CTNNA2: variants seen among roughly 807,000 people sequenced by gnomAD.
The protein encoded by CTNNA2 is catenin alpha 2, also known as catenin alpha-2.
In CTNNA2, 42 loss-of-function variants were observed where a neutral mutation model predicts 101.0. The observed-to-expected ratio is 0.42, with a 90% CI of 0.32 to 0.54. The LOEUF (loss-of-function observed/expected upper bound fraction) is 0.54, where lower values mean the gene tolerates loss of function less well. CTNNA2 is among the 20% of genes least tolerant of loss of function. The pLI, the probability that CTNNA2 is intolerant of heterozygous loss-of-function variation, is 0.14. For synonymous variants in CTNNA2, 450 were observed against 456.4 expected, an observed-to-expected ratio of 0.99 and a Z score of 0.18; for missense variants, 871 against 1,223.1, an observed-to-expected ratio of 0.71 and a Z score of 4.29.
intron 1 of CTNNA2, among the ~76,000 whole-genome samples, chr2:79,641,207 G>A (rs1407674291): frequency 6.6e-6 from 1 of 152,146 alleles, no homozygotes; most frequent in Non-Finnish European, 1.5e-5. Flanking sequence ...TTCTAGAAAA[G>A]CAATGTTTAG....
intron 7 of CTNNA2, chr2:80,163,212 A>G (rs1471512450): frequency 1.1e-5 from 12 of 1,049,170 alleles, no homozygotes; most frequent in Non-Finnish European, 1.8e-5. Context: ...CCCACAAAGA[A>G]CTAGCTTATT....
At chr2:79,720,516 T>A (rs774951298) in intron 2 of CTNNA2, among the ~76,000 whole-genome samples, 2 of 152,164 alleles carry the variant, frequency 1.3e-5, no homozygotes, top group African/African-American at 2.4e-5. Context: ...ATTCTTCCAA[T>A]CTATAAACAT....
chr2:80,490,860 A>G (rs183407355), intron 9 of CTNNA2, among the ~76,000 whole-genome samples: 4 of 152,126 alleles, frequency 2.6e-5, no homozygotes, highest in Admixed American at 6.6e-5. Flanking sequence ...CTAGAAATAT[A>G]TTTATTTGGT....
At chr2:79,384,684 C>T (rs1678078324) in intron 4 of CTNNA2, among the ~76,000 whole-genome samples, 1 of 152,144 alleles carries the variant, frequency 6.6e-6, no homozygotes. Flanking sequence ...GCCATTCCTT[C>T]ACTTGCTCTG....
chr2:80,434,279 C>G (rs974035515), intron 9 of CTNNA2, among the ~76,000 whole-genome samples: 7 of 152,272 alleles, frequency 4.6e-5, no homozygotes, highest in African/African-American at 1.7e-4. Flanking sequence ...ATCGCTTCTA[C>G]AACAACTTTC....
chr2:80,259,789 C>A (rs1672456271), intron 7 of CTNNA2, among the ~76,000 whole-genome samples: 1 of 152,186 alleles, frequency 6.6e-6, no homozygotes, highest in Non-Finnish European at 1.5e-5. Flanking sequence ...CATTCTTCAA[C>A]TAAGTTACTA....
At chr2:79,498,585 C>G (rs779446426) in intron 4 of CTNNA2, among the ~76,000 whole-genome samples, 2 of 151,772 alleles carry the variant, frequency 1.3e-5, no homozygotes, top group African/African-American at 2.4e-5. Context: ...ACCGCTGCCT[C>G]GGAGCAATTA....
At chr2:80,098,409 C>G (rs1208771310) in intron 7 of CTNNA2, among the ~76,000 whole-genome samples, 2 of 152,150 alleles carry the variant, frequency 1.3e-5, no homozygotes, top group African/African-American at 4.8e-5. Context: ...GGTGTCAGTC[C>G]GCCCCCACGG....
At chr2:80,603,075 C>T (rs1697697108) in intron 15 of CTNNA2, among the ~76,000 whole-genome samples, 1 of 152,004 alleles carries the variant, frequency 6.6e-6, no homozygotes, top group South Asian at 2.1e-4. Context: ...AATAGTTTTT[C>T]TGTACAGCTC....
At chr2:79,498,687 A>G (rs1573194174) in intron 4 of CTNNA2, among the ~76,000 whole-genome samples, 1 of 152,106 alleles carries the variant, frequency 6.6e-6, no homozygotes, top group East Asian at 1.9e-4. Flanking sequence ...ATGGCTAACT[A>G]CTTCATCGGT....
At chr2:79,798,224 A>C (rs539611499) in intron 3 of CTNNA2, among the ~76,000 whole-genome samples, 1 of 152,182 alleles carries the variant, frequency 6.6e-6, no homozygotes, top group Admixed American at 6.5e-5. Context: ...TCTCCACATC[A>C]GGGAACAGGT....
At chr2:80,533,798 G>A (rs1690749511) in intron 9 of CTNNA2, among the ~76,000 whole-genome samples, 1 of 152,134 alleles carries the variant, frequency 6.6e-6, no homozygotes, top group South Asian at 2.1e-4. Flanking sequence ...TAAAGATGGA[G>A]AAAACAAAAT....
intron 2 of CTNNA2, among the ~76,000 whole-genome samples, chr2:79,713,672 C>G (rs1685887985): frequency 6.6e-6 from 1 of 152,036 alleles, no homozygotes; most frequent in South Asian, 2.1e-4. Flanking sequence ...ACTTGGGCAC[C>G]AATAGAAAGG....
chr2:79,988,403 C>G (rs1209256008), intron 7 of CTNNA2, among the ~76,000 whole-genome samples: 1 of 151,550 alleles, frequency 6.6e-6, no homozygotes, highest in African/African-American at 2.4e-5. Flanking sequence ...ATGGCCACAT[C>G]AGAAAAAAGA....
At chr2:79,721,362 A>T (rs1474790195) in intron 2 of CTNNA2, among the ~76,000 whole-genome samples, 3 of 152,304 alleles carry the variant, frequency 2.0e-5, no homozygotes, top group African/African-American at 7.2e-5. Flanking sequence ...AGAGAGCAAA[A>T]GTATGCTTCT....
rs76747973 is a variant in CTNNA2 at position 79,932,116 on chromosome 2, C to T, written c.1056+22319C>T. Among the ~76,000 whole-genome samples the T allele has an allele frequency of 3.6e-3, 546 of 152,292 alleles. 1 individual carries two copies. Among genetic ancestry groups the T allele is most frequent in the Non-Finnish European group, 5.7e-3 (389 of 68,024 alleles). The stretch of plus-strand genomic sequence containing the variant: ...GATTTCTGTGGGGACGAGCCTCACC[C>T]ACCTGGGGCTGAGTGGAGCAACTCT... On this transcript the variant is annotated intron_variant, in intron 7 of 18. Coordinates refer to ENST00000402739, the MANE Select transcript of CTNNA2 (RefSeq NM_001282597.3).
intron 7 of CTNNA2, among the ~76,000 whole-genome samples, chr2:80,382,632 T>C (rs1676621528): frequency 1.3e-5 from 2 of 152,322 alleles, no homozygotes; most frequent in East Asian, 3.9e-4. Flanking sequence ...TGGCTCTTGA[T>C]AGAATGGTAA....
chr2:80,630,502 T>TG (rs1672170105), intron 18 of CTNNA2, among the ~76,000 whole-genome samples: 1 of 152,060 alleles, frequency 6.6e-6, no homozygotes, highest in Non-Finnish European at 1.5e-5. Flanking sequence ...CTGGGCATGG[T>TG]GGGGCATGCC....
At chr2:79,873,323 G>T (rs1682733472) in intron 5 of CTNNA2, among the ~76,000 whole-genome samples, 1 of 152,026 alleles carries the variant, frequency 6.6e-6, no homozygotes, top group African/African-American at 2.4e-5. Flanking sequence ...ATATTTTATT[G>T]AATGCCTCTT....
Sources: allele counts gnomAD v4.1 joint callset (sites outside exome capture counted in the v4.1 genomes callset), GRCh38; gene constraint gnomAD v4.1.1; transcripts MANE v1.5; gene names NCBI Gene and HGNC (gene_info 2026-07-23, HGNC 2026-07-21).